The following PDE1C variants were observed in gnomAD, a reference collection of about 807,000 sequenced individuals.
The protein encoded by PDE1C is dual specificity calcium/calmodulin-dependent 3',5'-cyclic nucleotide phosphodiesterase 1C.
In PDE1C, 62 loss-of-function variants were observed where a neutral mutation model predicts 93.1. The ratio of observed to expected loss-of-function variants is 0.67; its 90% CI spans 0.54 to 0.82. The LOEUF (loss-of-function observed/expected upper bound fraction) is 0.82, where lower values mean the gene tolerates loss of function less well. Ranked by LOEUF, PDE1C falls within the 40% of genes least tolerant of loss-of-function variation. The pLI is 0.00. For synonymous variants in PDE1C, 325 were observed against 310.1 expected (o/e 1.05, Z -0.50); for missense variants, 742 against 884.6 (o/e 0.84, Z 2.04).
intron 2 of PDE1C, among the ~76,000 whole-genome samples, chr7:31,939,079 T>A (rs1805472690): frequency 6.6e-6 from 1 of 152,164 alleles, no homozygotes; most frequent in South Asian, 2.1e-4. Flanking sequence ...CTGGCAAAAA[T>A]TTTAATTTAA....
the PDE1C span, among the ~76,000 whole-genome samples, chr7:31,714,241 G>T: frequency 6.6e-6 from 1 of 152,076 alleles, no homozygotes; most frequent in South Asian, 2.1e-4. Context: ...AAATCTCTAG[G>T]GCAGGGGTAA....
chr7:32,234,853 T>C (rs1807957660), intron 1 of PDE1C, among the ~76,000 whole-genome samples: 2 of 151,956 alleles, frequency 1.3e-5, no homozygotes, highest in South Asian at 2.1e-4. Context: ...TTCATGTACA[T>C]AGATGTAAAT....
chr7:32,219,035 A>G (rs1562591135), intron 1 of PDE1C, among the ~76,000 whole-genome samples: 1 of 152,232 alleles, frequency 6.6e-6, no homozygotes, highest in Non-Finnish European at 1.5e-5. Flanking sequence ...TTGTTGCCAT[A>G]TGAATTTATC....
intron 1 of PDE1C, among the ~76,000 whole-genome samples, chr7:32,403,758 T>C (rs564991685): frequency 1.3e-5 from 2 of 152,318 alleles, no homozygotes; most frequent in South Asian, 4.1e-4. Context: ...CTAAATTGAA[T>C]TGGCTTTGTT....
At chr7:31,625,449 A>G in the PDE1C span, among the ~76,000 whole-genome samples, 1 of 152,172 alleles carries the variant, frequency 6.6e-6, no homozygotes, top group Non-Finnish European at 1.5e-5. Flanking sequence ...GCCATAAAAA[A>G]TGATGAGTTC....
chr7:31,839,383 G>C (rs529705988), intron 9 of PDE1C, among the ~76,000 whole-genome samples: 14 of 138,890 alleles, frequency 1.0e-4, no homozygotes, highest in Admixed American at 2.3e-4. Flanking sequence ...ACAGATACTA[G>C]ATATATACAC....
chr7:31,959,456 C>A (rs545127053), intron 2 of PDE1C, among the ~76,000 whole-genome samples: 1 of 152,274 alleles, frequency 6.6e-6, no homozygotes, highest in Non-Finnish European at 1.5e-5. Flanking sequence ...TCAAGTGATC[C>A]ACCCTCTTCG....
chr7:32,028,785 C>CA (rs900655882), intron 2 of PDE1C, among the ~76,000 whole-genome samples: 50 of 151,974 alleles, frequency 3.3e-4, no homozygotes, highest in African/African-American at 1.4e-4. Context: ...CAATCGATTT[C>CA]AAAAAAATTC....
intron 17 of PDE1C, among the ~76,000 whole-genome samples, chr7:31,769,970 GAA>G (rs1206869467): frequency 6.6e-6 from 1 of 152,102 alleles, no homozygotes; most frequent in Non-Finnish European, 1.5e-5. Context: ...TTAACTTTTT[GAA>G]AAACAGCCAA....
intron 17 of PDE1C, among the ~76,000 whole-genome samples, chr7:31,765,006 T>A (rs1392737872): frequency 6.6e-6 from 1 of 152,216 alleles, no homozygotes; most frequent in African/African-American, 2.4e-5. Context: ...CCATGTTTGC[T>A]TGAGAAGAAT....
At chr7:32,071,247 G>T (rs1796029554), upstream of PDE1C, 8 of 985,452 alleles carry the variant, frequency 8.1e-6, no homozygotes, top group Non-Finnish European at 9.6e-6. Context: ...GGAGGGAAGG[G>T]AAATCCTTAT....
the PDE1C span, among the ~76,000 whole-genome samples, chr7:31,627,459 ACCAG>A: frequency 6.6e-6 from 1 of 152,088 alleles, no homozygotes; most frequent in African/African-American, 2.4e-5. Flanking sequence ...GGAGTTCAAG[ACCAG>A]CCTGGGCAAC....
At chr7:31,819,506 T>C (rs949611314) in intron 14 of PDE1C, among the ~76,000 whole-genome samples, 2 of 152,142 alleles carry the variant, frequency 1.3e-5, no homozygotes, top group Admixed American at 6.6e-5. Flanking sequence ...ACTAGGCTTC[T>C]TGACTAGTAG....
chr7:32,408,480 T>C (rs1785102002), intron 1 of PDE1C, among the ~76,000 whole-genome samples: 1 of 152,128 alleles, frequency 6.6e-6, no homozygotes, highest in Non-Finnish European at 1.5e-5. Context: ...GCTTAAACAT[T>C]AAACAAAATT....
At chr7:32,125,412 T>C (rs953970919) in intron 3 of PDE1C, among the ~76,000 whole-genome samples, 10 of 152,158 alleles carry the variant, frequency 6.6e-5, no homozygotes, top group African/African-American at 1.9e-4. Context: ...TAAAGATGCA[T>C]GTACATGTAT....
intron 2 of PDE1C, among the ~76,000 whole-genome samples, chr7:31,965,758 T>G (rs1232197089): frequency 1.3e-5 from 2 of 152,250 alleles, no homozygotes; most frequent in African/African-American, 4.8e-5. Flanking sequence ...ACAGCTGATC[T>G]CTTGGCATAA....
chr7:32,236,456 T>G (rs1808085776), intron 1 of PDE1C, among the ~76,000 whole-genome samples: 1 of 151,982 alleles, frequency 6.6e-6, no homozygotes, highest in African/African-American at 2.4e-5. Flanking sequence ...CAAAACTCAA[T>G]AGGAAGAAAA....
rs568971220 is a variant in PDE1C, at chr7:31,997,484, T to A, written c.128+54070A>T. 2.1e-4 allele frequency among the ~76,000 whole-genome samples: 32 copies of A among 152,268 alleles called. No individual in the cohort carries two copies. In the South Asian group the frequency reaches 6.2e-3, roughly 30 times the overall value. On this transcript the variant is annotated intron_variant, in intron 2 of 17. Coordinates refer to ENST00000396191, the MANE Select transcript of PDE1C (RefSeq NM_001191057.4). ...TCCACAGAAAGCGTAGATACTACAA[T>A]GGTCTGAATAAATTGCCAGTTAGAG...
chr7:31,686,400 A>T, the PDE1C span, among the ~76,000 whole-genome samples: 1 of 152,130 alleles, frequency 6.6e-6, no homozygotes. Context: ...TTGAGTGCCT[A>T]CGTATTCCTA....
Sources: allele counts gnomAD v4.1 joint callset (sites outside exome capture counted in the v4.1 genomes callset), GRCh38; gene constraint gnomAD v4.1.1; transcripts MANE v1.5; gene names NCBI Gene and HGNC (gene_info 2026-07-23, HGNC 2026-07-21).